The following E2F7 variants were observed in gnomAD, a reference collection of about 807,000 sequenced individuals.
E2F7 encodes transcription factor E2F7.
In E2F7, 35 loss-of-function variants were observed where a neutral mutation model predicts 81.1. That is an observed-to-expected ratio of 0.43 (90% CI 0.33 to 0.57). The LOEUF is 0.57. E2F7 is among the 20% of genes least tolerant of loss of function. E2F7 has a pLI of 0.04. For missense variants in E2F7, 961 were observed against 1,093.7 expected, an observed-to-expected ratio of 0.88 and a Z score of 1.71; for synonymous variants, 416 against 416.2, an observed-to-expected ratio of 1.00 and a Z score of 0.01.
chr12:77,024,115 C>T lies in E2F7; in HGVS notation c.2636G>A (p.Ser879Asn). Residue 879 changes from serine (S) to asparagine (N), a missense_variant, in exon 13 of 13, where the codon AGC becomes AAC. By Grantham distance (46) the Ser-to-Asn change is conservative (BLOSUM62 1). Transcript: ENST00000322886. ...TCTCTTCAGGACAGGGTCTCCAAGGCTGCCGGGTGTCTTGAAAAACGTCTC... is the reference window on the plus strand; with the variant it reads ...TCTCTTCAGGACAGGGTCTCCAAGGTTGCCGGGTGTCTTGAAAAACGTCTC... ...HRETFFKTPG[S>N]LGDPVLKRRE... is the part of the protein sequence containing the mutation. The T allele has an allele frequency of 6.2e-7, 1 of 1,614,028 alleles. No homozygotes were observed. The highest frequency in any genetic ancestry group is 8.5e-7 in the Non-Finnish European group (1 of 1,179,998).
At position 77,047,911 on chromosome 12, in the gene E2F7, C is replaced by T. The variant is rs1954956415; in HGVS notation, c.539-1583G>A. On this transcript the variant is annotated intron_variant, in intron 4 of 12. Transcript: ENST00000322886. ...TGTTTAGAGCATAGCATTCTATAAA[C>T]CTTCCCATTAGAAATATCATGTGAC... Among the ~76,000 whole-genome samples the T allele has an allele frequency of 2.6e-5, 4 of 152,292 alleles. No homozygotes were observed. The South Asian group carries it at 8.3e-4, about 32-fold the overall frequency.
In E2F7 at chr12:77,046,113, C is replaced by T. The variant is rs1954938244; in HGVS notation, c.754G>A (p.Glu252Lys). The change falls in exon 5 of 13, where the codon GAA becomes AAA. Residue 252 changes from glutamate to lysine, a missense_variant. Glu to Lys is a moderately conservative substitution (Grantham distance 56, BLOSUM62 1). Transcript: ENST00000322886. ...ELDLIDYKFG[E>K]RKKDGDPDSQ... ...TCTGGATCACCATCTTTTTTACGTTCTCCAAATTTATAATCTATCAGGTCC... is the reference window on the plus strand; with the variant it reads ...TCTGGATCACCATCTTTTTTACGTTTTCCAAATTTATAATCTATCAGGTCC... 1 of 1,614,046 alleles carries T rather than the reference C, an allele frequency of 6.2e-7. No individual in the cohort carries two copies. The highest frequency in any genetic ancestry group is 8.5e-7 in the Non-Finnish European group (1 of 1,180,042).
chr12:77,048,351 A>T (rs1954960202), intron 4 of E2F7, among the ~76,000 whole-genome samples: 1 of 152,164 alleles, frequency 6.6e-6, no homozygotes, highest in African/African-American at 2.4e-5. Flanking sequence ...AGCATTAGTT[A>T]TATGGTCAAG....
intron 3 of E2F7, among the ~76,000 whole-genome samples, chr12:77,051,339 G>A (rs1328792356): frequency 6.6e-6 from 1 of 152,146 alleles, no homozygotes; most frequent in African/African-American, 2.4e-5. Flanking sequence ...CCCCAAGAAA[G>A]TAAAAGGCTT....
chr12:77,035,642 T>C (rs536542251), intron 7 of E2F7, among the ~76,000 whole-genome samples: 20 of 152,318 alleles, frequency 1.3e-4, no homozygotes, highest in Non-Finnish European at 2.9e-4. Flanking sequence ...AGAACATTTT[T>C]AGGAATACAG....
At chr12:77,065,075 G>A (rs1253544539) in intron 1 of E2F7, among the ~76,000 whole-genome samples, 1 of 152,146 alleles carries the variant, frequency 6.6e-6, no homozygotes, top group Admixed American at 6.5e-5. Flanking sequence ...AGCGCTGAGC[G>A]CAGCCCCTTC....
rs780493618 is a variant in E2F7 at position 77,044,704 on chromosome 12, A to G, written c.921T>C (p.Thr307=). ...TCAGTATTTTGGCAGCCACATCCAGAGTGACAATCTTGGTTTTGGAGACGA... is the reference window on the plus strand; with the variant it reads ...TCAGTATTTTGGCAGCCACATCCAGGGTGACAATCTTGGTTTTGGAGACGA... ...LFLVSKTKIV[T]LDVAAKILIE... is the part of the protein sequence containing the mutation. The change falls in exon 6 of 13, where the codon ACT becomes ACC. Residue 307 remains threonine, a synonymous_variant. Transcript: ENST00000322886. The G allele has an allele frequency of 1.2e-6, 2 of 1,614,148 alleles. No homozygotes were observed. The highest frequency in any genetic ancestry group is 1.7e-6 in the Non-Finnish European group (2 of 1,180,016).
intron 7 of E2F7, among the ~76,000 whole-genome samples, chr12:77,036,555 A>T (rs1289250580): frequency 6.6e-6 from 1 of 151,834 alleles, no homozygotes; most frequent in African/African-American, 2.4e-5. Context: ...AAATAAATTT[A>T]AAAAAAGGAA....
chr12:77,035,021 C>A (rs531888527), intron 7 of E2F7, among the ~76,000 whole-genome samples: 42 of 152,258 alleles, frequency 2.8e-4, no homozygotes, highest in African/African-American at 9.4e-4. Context: ...AAATATTGGA[C>A]ATAATGCATA....
chr12:77,025,458 C>A (rs1954749397), intron 12 of E2F7, 100 bp downstream of exon 12: 5 of 1,367,498 alleles, frequency 3.7e-6, no homozygotes, highest in Non-Finnish European at 5.0e-6. Context: ...GGAGCCTGAC[C>A]TAGTGCCTCT....
At chr12:77,031,287 A>G (rs970404178) in intron 9 of E2F7, among the ~76,000 whole-genome samples, 2 of 152,208 alleles carry the variant, frequency 1.3e-5, no homozygotes, top group Non-Finnish European at 1.5e-5. Flanking sequence ...CCAAATATTT[A>G]AAACCATGTT....
At chr12:77,051,411 T>C (rs1954987056) in intron 3 of E2F7, among the ~76,000 whole-genome samples, 2 of 152,036 alleles carry the variant, frequency 1.3e-5, no homozygotes, top group South Asian at 4.1e-4. Context: ...GAAAAAGCAT[T>C]TGATAAATTT....
intron 7 of E2F7, 28 bp from the exon 8 acceptor site, chr12:77,034,070 T>G (rs1249286061): frequency 6.3e-7 from 1 of 1,589,246 alleles, no homozygotes; most frequent in East Asian, 2.3e-5. Flanking sequence ...TTGGTAGTGT[T>G]GTTATACAGC....
intron 7 of E2F7, among the ~76,000 whole-genome samples, chr12:77,036,645 C>T (rs753479195): frequency 3.9e-5 from 6 of 152,002 alleles, no homozygotes; most frequent in African/African-American, 1.4e-4. Flanking sequence ...AGGCTGGGCT[C>T]GAACTCCTGG....
chr12:77,044,535 C>T, intron 6 of E2F7, 102 bp downstream of exon 6: 6 of 1,438,512 alleles, frequency 4.2e-6, no homozygotes, highest in Non-Finnish European at 4.7e-6. Context: ...GTATGTATGT[C>T]AAAAACAATA....
At chr12:77,050,369 T>G (rs572437994) in intron 4 of E2F7, among the ~76,000 whole-genome samples, 1 of 152,326 alleles carries the variant, frequency 6.6e-6, no homozygotes, top group East Asian at 1.9e-4. Flanking sequence ...AAAGACTGCA[T>G]TTTCATTTGG....
At chr12:77,056,915 T>C (rs1205968889) in intron 2 of E2F7, among the ~76,000 whole-genome samples, 2 of 149,334 alleles carry the variant, frequency 1.3e-5, no homozygotes. Context: ...AAAGATAGGG[T>C]CTCACTCTGT....
At chr12:77,035,069 G>A (rs1394623749) in intron 7 of E2F7, among the ~76,000 whole-genome samples, 2 of 152,212 alleles carry the variant, frequency 1.3e-5, no homozygotes, top group Non-Finnish European at 2.9e-5. Flanking sequence ...ATCAGGACAT[G>A]AAGGACAGTG....
At chr12:77,044,444 G>A in intron 6 of E2F7, 193 bp downstream of exon 6, 1 of 647,780 alleles carries the variant, frequency 1.5e-6, no homozygotes, top group East Asian at 2.8e-5. Flanking sequence ...AAAAGGCACT[G>A]ACAGGACTCT....
Sources: gnomAD v4.1 joint callset for allele counts (sites outside exome capture counted in the v4.1 genomes callset) on GRCh38, gnomAD v4.1.1 for gene constraint, MANE v1.5 for transcripts, NCBI Gene and HGNC (gene_info 2026-07-23, HGNC 2026-07-21) for gene names.